The following WDFY2 variants were observed in gnomAD, a reference collection of about 807,000 sequenced individuals.
The protein encoded by WDFY2 is WD repeat and FYVE domain containing 2, also known as WD repeat and FYVE domain-containing protein 2.
WDFY2 carries 36 observed loss-of-function variants against 56.4 expected under a neutral mutation model. The ratio of observed to expected loss-of-function variants is 0.64; its 90% CI spans 0.49 to 0.84. The LOEUF (loss-of-function observed/expected upper bound fraction) is 0.84, where lower values mean the gene tolerates loss of function less well. Among genes scored for constraint, WDFY2 ranks in the 40% least tolerant of loss-of-function variants. WDFY2 has a pLI of 0.00. For synonymous variants in WDFY2, 176 were observed against 183.7 expected, an observed-to-expected ratio of 0.96 and a Z score of 0.34; for missense variants, 444 against 512.2, an observed-to-expected ratio of 0.87 and a Z score of 1.29.
intron 1 of WDFY2, among the ~76,000 whole-genome samples, chr13:51,622,779 GA>G (rs1355552593): frequency 6.6e-6 from 1 of 151,614 alleles, no homozygotes; most frequent in Non-Finnish European, 1.5e-5. Context: ...TAGAGTAGGG[GA>G]AAATAAGGAT....
rs570012396 is a variant in WDFY2 at position 51,715,061 on chromosome 13, A to G, written c.335-4137A>G. Among the ~76,000 whole-genome samples the G allele has an allele frequency of 2.5e-3, 385 of 152,368 alleles. 3 individuals are homozygous for G. Among genetic ancestry groups the G allele is most frequent in the Non-Finnish European group, 1.0e-3 (70 of 68,028 alleles). ...GGTATGCCTGGATAGGGCACTTACC[A>G]TGAATGGAGCTTGCAGAACTGGAAA... On this transcript the variant is annotated intron_variant, in intron 4 of 11. Transcript: ENST00000298125.
chr13:51,750,818 G>T (rs1353305854), intron 7 of WDFY2, among the ~76,000 whole-genome samples: 1 of 152,144 alleles, frequency 6.6e-6, no homozygotes, highest in Non-Finnish European at 1.5e-5. Flanking sequence ...AGGCATGCCT[G>T]GTCCCAAGCC....
chr13:51,733,095 G>A (rs1952759173), intron 6 of WDFY2, among the ~76,000 whole-genome samples: 1 of 152,192 alleles, frequency 6.6e-6, no homozygotes, highest in Non-Finnish European at 1.5e-5. Flanking sequence ...GAGTGTAGTG[G>A]CACGATCTCA....
At chr13:51,628,748 G>A (rs1361874421) in intron 1 of WDFY2, among the ~76,000 whole-genome samples, 2 of 152,216 alleles carry the variant, frequency 1.3e-5, no homozygotes, top group African/African-American at 4.8e-5. Flanking sequence ...TACTCTGCAA[G>A]TCATGTTTAA....
At chr13:51,714,657 A>G (rs1952303832) in intron 4 of WDFY2, among the ~76,000 whole-genome samples, 1 of 152,222 alleles carries the variant, frequency 6.6e-6, no homozygotes, top group African/African-American at 2.4e-5. Context: ...ACAGTTTGGT[A>G]GTTCCTCAAA....
rs572687577 is a variant in WDFY2, at chr13:51,693,605, A to G, written c.280-9991A>G. Among the ~76,000 whole-genome samples the G allele has an allele frequency of 3.0e-4, 46 of 152,230 alleles. No individual in the cohort carries two copies. The East Asian group carries it at 7.7e-3, about 26-fold the overall frequency. ...GCTGAGGAGAGCTTTACTTCCACCTATGTGGTCAATTTTGGAATAGGTGTG... is the reference window on the plus strand; with the variant it reads ...GCTGAGGAGAGCTTTACTTCCACCTGTGTGGTCAATTTTGGAATAGGTGTG... On this transcript the variant is annotated intron_variant, in intron 3 of 11. Transcript: ENST00000298125.
chr13:51,686,725 A>G (rs1005838736), intron 3 of WDFY2, among the ~76,000 whole-genome samples: 4 of 152,182 alleles, frequency 2.6e-5, no homozygotes, highest in Non-Finnish European at 4.4e-5. Flanking sequence ...TTGAAAAAGC[A>G]ACACATTACT....
intron 1 of WDFY2, among the ~76,000 whole-genome samples, chr13:51,648,675 C>T (rs976331862): frequency 1.3e-4 from 20 of 152,148 alleles, no homozygotes; most frequent in African/African-American, 4.8e-4. Flanking sequence ...TACCATGGCA[C>T]ACTTATACCT....
At chr13:51,699,975 A>G (rs1169307072) in intron 3 of WDFY2, among the ~76,000 whole-genome samples, 1 of 152,242 alleles carries the variant, frequency 6.6e-6, no homozygotes, top group Non-Finnish European at 1.5e-5. Context: ...ATGGAATATT[A>G]TACAGCCATC....
At chr13:51,709,828 G>A (rs532595976) in intron 4 of WDFY2, among the ~76,000 whole-genome samples, 8 of 152,226 alleles carry the variant, frequency 5.3e-5, no homozygotes, top group East Asian at 1.9e-4. Flanking sequence ...AGGACCAGAC[G>A]GATTCACAGC....
chr13:51,735,117 C>T (rs985328364), intron 6 of WDFY2, among the ~76,000 whole-genome samples: 2 of 152,182 alleles, frequency 1.3e-5, no homozygotes, highest in African/African-American at 2.4e-5. Context: ...AGGGAGAGGC[C>T]GTTTCCATCA....
At chr13:51,659,714 C>T (rs1955576296) in intron 1 of WDFY2, among the ~76,000 whole-genome samples, 1 of 152,198 alleles carries the variant, frequency 6.6e-6, no homozygotes, top group Non-Finnish European at 1.5e-5. Context: ...ACAGCCTTTG[C>T]TGCAGCATCA....
chr13:51,673,504 A>G (rs1955838126), intron 2 of WDFY2, among the ~76,000 whole-genome samples: 1 of 152,224 alleles, frequency 6.6e-6, no homozygotes, highest in Non-Finnish European at 1.5e-5. Context: ...TATAGAAATA[A>G]TCTTGTCATT....
In WDFY2 at chr13:51,686,117, T is replaced by A. The variant is rs553209004; in HGVS notation, c.279+10874T>A. ...AAATGATTAACATACCTTGCCTTCA[T>A]ATAGCAAGGACAGATGTGGTGGGGT... On this transcript the variant is annotated intron_variant, in intron 3 of 11. Coordinates refer to ENST00000298125, the MANE Select transcript of WDFY2 (RefSeq NM_052950.4). Among the ~76,000 whole-genome samples the A allele has an allele frequency of 1.2e-3, 180 of 152,282 alleles. 1 individual carries two copies. Among genetic ancestry groups the A allele is most frequent in the African/African-American group, 4.2e-3 (176 of 41,580 alleles).
chr13:51,634,674 G>A (rs1169027691), intron 1 of WDFY2, among the ~76,000 whole-genome samples: 2 of 151,242 alleles, frequency 1.3e-5, no homozygotes, highest in Non-Finnish European at 2.9e-5. Flanking sequence ...AGCCAGGTGT[G>A]GTGGTGCATG....
At chr13:51,710,348 A>C (rs1305443532) in intron 4 of WDFY2, among the ~76,000 whole-genome samples, 2 of 152,088 alleles carry the variant, frequency 1.3e-5, no homozygotes, top group Non-Finnish European at 2.9e-5. Context: ...ATGGGCAAAA[A>C]CTGGAAGCAT....
intron 1 of WDFY2, among the ~76,000 whole-genome samples, chr13:51,650,412 C>T (rs948079230): frequency 1.3e-5 from 2 of 152,208 alleles, no homozygotes; most frequent in Admixed American, 1.3e-4. Flanking sequence ...TTATTTCCTT[C>T]TCCTGCCCGA....
intron 1 of WDFY2, among the ~76,000 whole-genome samples, chr13:51,652,993 A>G (rs1168989745): frequency 1.3e-5 from 2 of 152,174 alleles, no homozygotes; most frequent in Admixed American, 6.5e-5. Flanking sequence ...AATATCCTGC[A>G]CAGTGTTTTC....
chr13:51,648,320 G>A (rs906839631), intron 1 of WDFY2, among the ~76,000 whole-genome samples: 3 of 152,190 alleles, frequency 2.0e-5, no homozygotes, highest in Non-Finnish European at 2.9e-5. Context: ...TGCACTAGAT[G>A]TCTGTCCAGG....
Sources: gnomAD v4.1 joint callset for allele counts (sites outside exome capture counted in the v4.1 genomes callset) on GRCh38, gnomAD v4.1.1 for gene constraint, MANE v1.5 for transcripts, NCBI Gene and HGNC (gene_info 2026-07-23, HGNC 2026-07-21) for gene names.